The following PSMD14 variants were observed in gnomAD, a reference collection of about 807,000 sequenced individuals.
PSMD14 encodes proteasome 26S subunit, non-ATPase 14.
PSMD14 carries 7 observed loss-of-function variants against 41.2 expected under a neutral mutation model. The observed-to-expected ratio is 0.17, with a 90% confidence interval of 0.10 to 0.32. The LOEUF (loss-of-function observed/expected upper bound fraction) is 0.32, where lower values mean the gene tolerates loss of function less well. Among genes scored for constraint, PSMD14 ranks in the 10% least tolerant of loss-of-function variants. PSMD14 has a pLI of 1.00. For synonymous variants in PSMD14, 114 were observed against 122.3 expected, an observed-to-expected ratio of 0.93 and a Z score of 0.45; for missense variants, 139 against 375.6, an observed-to-expected ratio of 0.37 and a Z score of 5.21.
At chr2:161,318,922 T>C (rs762367757) in intron 3 of PSMD14, 49 bp downstream of exon 3, 2 of 1,441,722 alleles carry the variant, frequency 1.4e-6, no homozygotes, top group South Asian at 1.3e-5. Flanking sequence ...ACTACAAGCC[T>C]TTTTGTAGTT....
chr2:161,409,885 C>A (rs1246556107), intron 11 of PSMD14, among the ~76,000 whole-genome samples: 1 of 151,646 alleles, frequency 6.6e-6, no homozygotes, highest in African/African-American at 2.4e-5. Context: ...GTGATATCAC[C>A]CTTGTTATCT....
intron 1 of PSMD14, among the ~76,000 whole-genome samples, chr2:161,309,757 G>C (rs1453592166): frequency 6.6e-6 from 1 of 152,120 alleles, no homozygotes; most frequent in Non-Finnish European, 1.5e-5. Context: ...AGGGAAGAAA[G>C]TTTTCAAGTG....
rs190800720 is a variant in PSMD14 at position 161,379,479 on chromosome 2, T to C, written c.463-5985T>C. ...AATTAGGAATTTCCCTAAGGAAATA[T>C]ATCTTAAAGCGTCACTCTCTAATTT... On this transcript the variant is annotated intron_variant, in intron 7 of 11. Coordinates refer to ENST00000409682, the MANE Select transcript of PSMD14 (RefSeq NM_005805.6). Among the ~76,000 whole-genome samples the C allele has an allele frequency of 9.6e-4, 146 of 152,184 alleles. 1 individual carries two copies. Among genetic ancestry groups the C allele is most frequent in the African/African-American group, 3.4e-3 (141 of 41,564 alleles).
At position 161,327,965 on chromosome 2, in the gene PSMD14, TGTGTGTGTGTGTGTGTGTGA is replaced by T. The variant is rs1331421498; in HGVS notation, c.48+9094_48+9113del. On this transcript the variant is annotated intron_variant, in intron 3 of 11. Coordinates refer to ENST00000409682, the MANE Select transcript of PSMD14 (RefSeq NM_005805.6). ...TGTAAGCTGTGTGTGTGTGTGTGTG[TGTGTGTGTGTGTGTGTGTGA>T]GATGTTGGTTAGGAATTATAGCTCA... is the stretch of plus-strand genomic sequence containing the variant. Among the ~76,000 whole-genome samples the T allele has an allele frequency of 3.4e-3, 510 of 150,692 alleles. 2 individuals carry two copies. The highest frequency in any genetic ancestry group is 0.01 in the African/African-American group (412 of 40,966).
chr2:161,324,440 A>T (rs935659877), intron 3 of PSMD14, among the ~76,000 whole-genome samples: 1 of 152,214 alleles, frequency 6.6e-6, no homozygotes, highest in Non-Finnish European at 1.5e-5. Flanking sequence ...TAAGGAGATG[A>T]TGTTTGAGCT....
chr2:161,327,400 A>C lies in PSMD14; in HGVS notation c.48+8527A>C, dbSNP rs144382914. Among the ~76,000 whole-genome samples, 613 of 152,306 alleles carry C rather than the reference A, an allele frequency of 4.0e-3. 5 individuals are homozygous for C. Among genetic ancestry groups the C allele is most frequent in the Non-Finnish European group, 6.1e-3 (414 of 68,022 alleles). On this transcript the variant is annotated intron_variant, in intron 3 of 11. Transcript: ENST00000409682. ...ATTTTATATATTTACTACAAAAAAGACATTTAAAAGTTCAGTTACCGTATC... is the reference window on the plus strand; with the variant it reads ...ATTTTATATATTTACTACAAAAAAGCCATTTAAAAGTTCAGTTACCGTATC...
chr2:161,406,562 T>G (rs996955689), intron 10 of PSMD14, among the ~76,000 whole-genome samples: 1 of 152,154 alleles, frequency 6.6e-6, no homozygotes, highest in African/African-American at 2.4e-5. Flanking sequence ...GAAGACAAAC[T>G]GGTCTTGCCC....
At chr2:161,400,068 G>A (rs900333104) in intron 10 of PSMD14, among the ~76,000 whole-genome samples, 27 of 152,088 alleles carry the variant, frequency 1.8e-4, no homozygotes, top group Non-Finnish European at 3.2e-4. Flanking sequence ...TTTATGTAAC[G>A]CCTGAATTAT....
chr2:161,360,116 A>G (rs553192172), intron 3 of PSMD14, among the ~76,000 whole-genome samples: 1 of 152,180 alleles, frequency 6.6e-6, no homozygotes, highest in African/African-American at 2.4e-5. Flanking sequence ...TATGTGGCTC[A>G]TGGAATGATT....
intron 3 of PSMD14, among the ~76,000 whole-genome samples, chr2:161,328,243 T>C (rs1382508896): frequency 6.6e-6 from 1 of 152,132 alleles, no homozygotes; most frequent in African/African-American, 2.4e-5. Flanking sequence ...TGTTTGTATA[T>C]TAAAAATTGC....
intron 3 of PSMD14, among the ~76,000 whole-genome samples, chr2:161,352,028 A>G (rs922570283): frequency 6.6e-6 from 1 of 152,174 alleles, no homozygotes; most frequent in Non-Finnish European, 1.5e-5. Flanking sequence ...AAACCTCTGT[A>G]TCTCACTAAA....
At position 161,395,177 on chromosome 2, in the gene PSMD14, T is replaced by C; in HGVS notation, c.745T>C (p.Leu249=). Residue 249 remains leucine, a synonymous_variant, in exon 10 of 12, where the codon TTG becomes CTG. Coordinates refer to ENST00000409682, the MANE Select transcript of PSMD14 (RefSeq NM_005805.6). ...KHNESVVKEM[L]ELAKNYNKAV... ...CAATGAATCAGTGGTAAAAGAGATG[T>C]TGGAATTAGCCAAGAATTACAATAA... 6.3e-7 allele frequency: 1 copy of C among 1,593,710 alleles called. No individual in the cohort carries two copies. Among genetic ancestry groups the C allele is most frequent in the Non-Finnish European group, 8.5e-7 (1 of 1,170,318 alleles).
chr2:161,317,376 C>T (rs549273351), intron 2 of PSMD14, among the ~76,000 whole-genome samples: 3 of 152,068 alleles, frequency 2.0e-5, no homozygotes, highest in East Asian at 1.9e-4. Context: ...AAGCCAGATA[C>T]GAAAAATATA....
chr2:161,394,081 T>G lies in PSMD14; in HGVS notation c.646-997T>G, dbSNP rs149365718. ...CGTCTCCCGGGGTCCAAGTGATTCTTCTGCCTCAGCCTCCCAAGTAGCTGA... is the reference window on the plus strand; with the variant it reads ...CGTCTCCCGGGGTCCAAGTGATTCTGCTGCCTCAGCCTCCCAAGTAGCTGA... On this transcript the variant is annotated intron_variant, in intron 9 of 11. Transcript: ENST00000409682. Among the ~76,000 whole-genome samples, 1,180 of 151,130 alleles carry G rather than the reference T, an allele frequency of 7.8e-3. 66 individuals are homozygous for G. In the East Asian group the frequency reaches 0.15, roughly 19 times the overall value.
intron 3 of PSMD14, among the ~76,000 whole-genome samples, chr2:161,335,894 A>G (rs1682862722): frequency 6.6e-6 from 1 of 152,230 alleles, no homozygotes; most frequent in Admixed American, 6.5e-5. Context: ...GGCACAGTAG[A>G]ATCCACTTTG....
chr2:161,348,847 A>G (rs1411428624), intron 3 of PSMD14, among the ~76,000 whole-genome samples: 1 of 152,214 alleles, frequency 6.6e-6, no homozygotes, highest in African/African-American at 2.4e-5. Context: ...TGTATTATTC[A>G]TTAGACCTTT....
intron 3 of PSMD14, among the ~76,000 whole-genome samples, chr2:161,320,075 A>G (rs1689186637): frequency 3.3e-5 from 5 of 152,212 alleles, no homozygotes; most frequent in Admixed American, 3.3e-4. Flanking sequence ...TTTTGTAAAC[A>G]TTCTAGAGAG....
At chr2:161,313,143 T>G (rs1212432945) in intron 1 of PSMD14, among the ~76,000 whole-genome samples, 2 of 152,074 alleles carry the variant, frequency 1.3e-5, no homozygotes, top group Admixed American at 1.3e-4. Flanking sequence ...AGGGAACTTG[T>G]AAGTGTCAGA....
intron 10 of PSMD14, among the ~76,000 whole-genome samples, chr2:161,398,953 G>A (rs1396772514): frequency 6.6e-6 from 1 of 151,956 alleles, no homozygotes; most frequent in Admixed American, 6.6e-5. Context: ...AAATCTAAGA[G>A]AATAAACTTA....
Sources: gnomAD v4.1 joint callset for allele counts (sites outside exome capture counted in the v4.1 genomes callset) on GRCh38, gnomAD v4.1.1 for gene constraint, MANE v1.5 for transcripts, NCBI Gene and HGNC (gene_info 2026-07-23, HGNC 2026-07-21) for gene names.